The following PTGFRN variants were observed in gnomAD, a reference collection of about 807,000 sequenced individuals.
The protein encoded by PTGFRN is prostaglandin F2 receptor negative regulator.
Under a neutral mutation model 83.2 loss-of-function variants are expected in PTGFRN, and 35 were observed. That is an observed-to-expected ratio of 0.42 (90% confidence interval 0.32 to 0.56). The LOEUF (loss-of-function observed/expected upper bound fraction) is 0.56. Ranked by LOEUF, PTGFRN falls within the 20% of genes least tolerant of loss-of-function variation. The pLI is 0.11. For missense variants in PTGFRN, 1,051 were observed against 1,179.5 expected, an observed-to-expected ratio of 0.89 and a Z score of 1.60; for synonymous variants, 519 against 498.6, an observed-to-expected ratio of 1.04 and a Z score of -0.55.
chr1:116,953,752 C>T (rs962684303), intron 4 of PTGFRN, among the ~76,000 whole-genome samples: 11 of 151,972 alleles, frequency 7.2e-5, no homozygotes, highest in African/African-American at 2.4e-4. Context: ...GTTGAGCTGA[C>T]CACACCCAGC....
Position 116,986,938 on chromosome 1 carries a change from C to T in PTGFRN, c.2611C>T (p.Arg871Cys), listed in dbSNP as rs144307532. The T allele has an allele frequency of 5.7e-5, 92 of 1,614,070 alleles. No homozygotes were observed. The highest frequency in any genetic ancestry group is 7.5e-5 in the Non-Finnish European group (89 of 1,180,038). Residue 871 changes from arginine to cysteine, a missense_variant, in exon 9 of 9, where the codon CGC becomes TGC. By Grantham distance (180) the Arg-to-Cys change is radical (BLOSUM62 -3). This residue lies in a region of PTGFRN where 719 missense variants were observed against 836.6 expected (regional missense o/e 0.86). Coordinates refer to ENST00000393203, the MANE Select transcript of PTGFRN (RefSeq NM_020440.4). ...GGTTCAGGAGACACGGCGCGAGCGC[C>T]GCAGGCTCATGTCGATGGAGATGGA... ...KEVQETRRER[R>C]RLMSMEMD
At chr1:116,967,724 T>C (rs1428071405) in intron 6 of PTGFRN, among the ~76,000 whole-genome samples, 3 of 152,210 alleles carry the variant, frequency 2.0e-5, no homozygotes, top group African/African-American at 7.2e-5. Flanking sequence ...GCAAAATGTT[T>C]TCAAGGGTCA....
rs773427645 is a variant in PTGFRN, at chr1:116,958,821, C to G, written c.1214-2422C>G. Among the ~76,000 whole-genome samples the G allele has an allele frequency of 5.3e-5, 8 of 152,180 alleles. No individual in the cohort carries two copies. The highest frequency in any genetic ancestry group is 7.3e-5 in the Non-Finnish European group (5 of 68,038). ...CTCACCACTGTTCTCTGCTGCCTCA[C>G]AGTTTGCTGTTCAGGGTTATGGTTC... On this transcript the variant is annotated intron_variant, in intron 4 of 8. Coordinates refer to ENST00000393203, the MANE Select transcript of PTGFRN (RefSeq NM_020440.4). The surrounding 1 kb of genome is among the most constrained non-coding windows in gnomAD (Gnocchi z 4.9).
At chr1:116,947,085 C>T (rs1030272722) in intron 3 of PTGFRN, among the ~76,000 whole-genome samples, 2 of 152,212 alleles carry the variant, frequency 1.3e-5, no homozygotes, top group Non-Finnish European at 2.9e-5. Context: ...TCCAAGTTCA[C>T]AGACTCTAAA....
At position 116,967,069 on chromosome 1, in the gene PTGFRN, A is replaced by C. The variant is rs1216496473; in HGVS notation, c.1798A>C (p.Asn600His). 1 of 1,614,028 alleles carries C rather than the reference A, an allele frequency of 6.2e-7. No individual in the cohort carries two copies. The highest frequency in any genetic ancestry group is 1.3e-5 in the African/African-American group (1 of 74,924). The change falls in exon 6 of 9, where the codon AAT becomes CAT. Residue 600 changes from asparagine to histidine, a missense_variant. Physicochemically the swap from Asn to His is moderately conservative, Grantham distance 68. This residue lies in a region of PTGFRN where 719 missense variants were observed against 836.6 expected (regional missense o/e 0.86). Coordinates refer to ENST00000393203, the MANE Select transcript of PTGFRN (RefSeq NM_020440.4). ...GCCTGTCGGCGACCTCTCCAGTCCC[A>C]ATGAAACGAAGTACATCATCTCTCT... is the stretch of plus-strand genomic sequence containing the variant. ...EKPVGDLSSPNETKYIISLDQ... is the reference protein window; with the variant it reads ...EKPVGDLSSPHETKYIISLDQ...
chr1:116,925,788 C>T (rs1192207925), intron 1 of PTGFRN, among the ~76,000 whole-genome samples: 2 of 152,174 alleles, frequency 1.3e-5, no homozygotes, highest in Admixed American at 1.3e-4. Flanking sequence ...GACTCTGACG[C>T]TTGGCCAGGT....
rs2101095448 is a variant in PTGFRN, at chr1:116,987,509, G to A, written c.*542G>A. On this transcript the variant is annotated 3_prime_UTR_variant, in exon 9 of 9. Transcript: ENST00000393203. ...GACCCTACCCCACCCCCTGTTTTCA[G>A]GGGTTTAGACTACATTTGAAATCCA... is the stretch of plus-strand genomic sequence containing the variant. 6.5e-6 allele frequency: 1 copy of A among 153,446 alleles called. No homozygotes were observed. The allele number at this position is 153,446 out of a possible 1,614,324, so 9.5% of individuals were successfully genotyped here.
Position 116,945,013 on chromosome 1 carries a change from G to A in PTGFRN, c.753G>A (p.Glu251=). The A allele has an allele frequency of 6.2e-7, 1 of 1,613,886 alleles. No homozygotes were observed. The highest frequency in any genetic ancestry group is 2.2e-5 in the East Asian group (1 of 44,882). ...GCTCCTACAGGTGTATCGTCAGCGA[G>A]TGGATCGCCGAGCAGGGCAACTGGC... is the stretch of plus-strand genomic sequence containing the variant. ...DQGSYRCIVS[E]WIAEQGNWQE... Residue 251 remains glutamate, a synonymous_variant, in exon 3 of 9, where the codon GAG becomes GAA. Coordinates refer to ENST00000393203, the MANE Select transcript of PTGFRN (RefSeq NM_020440.4).
At chr1:116,911,928 T>C (rs1649282330) in intron 1 of PTGFRN, among the ~76,000 whole-genome samples, 1 of 152,252 alleles carries the variant, frequency 6.6e-6, no homozygotes, top group African/African-American at 2.4e-5. Flanking sequence ...AGCAGGGCCA[T>C]GGCCTAGGTT....
intron 1 of PTGFRN, 80 bp downstream of exon 1, chr1:116,910,332 G>C: frequency 1.7e-6 from 2 of 1,188,588 alleles, no homozygotes; most frequent in Non-Finnish European, 2.1e-6. Context: ...GCTGCAGCGC[G>C]CGGCCTGGGG....
Position 116,910,194 on chromosome 1 carries a change from C to A in PTGFRN, c.-10C>A. 6.7e-7 allele frequency: 1 copy of A among 1,487,930 alleles called. No individual in the cohort carries two copies. Among genetic ancestry groups the A allele is most frequent in the South Asian group, 1.3e-5 (1 of 77,678 alleles). The allele number at this position is 1,487,930 out of a possible 1,614,324, so 92.2% of individuals were successfully genotyped here. ...AGGAGGAGGGGGAGAGTCGCTCCCG[C>A]CGGGCGAGCATGGGGCGCCTGGCCT... On this transcript the variant is annotated 5_prime_UTR_variant, in exon 1 of 9. Coordinates refer to ENST00000393203, the MANE Select transcript of PTGFRN (RefSeq NM_020440.4).
At chr1:116,977,802 A>C (rs548248463) in intron 7 of PTGFRN, among the ~76,000 whole-genome samples, 1 of 152,354 alleles carries the variant, frequency 6.6e-6, no homozygotes, top group African/African-American at 2.4e-5. Flanking sequence ...TAACATCACA[A>C]TTAAAAGAAC....
At chr1:116,916,849 C>G (rs1448481355) in intron 1 of PTGFRN, among the ~76,000 whole-genome samples, 2 of 152,152 alleles carry the variant, frequency 1.3e-5, no homozygotes, top group Non-Finnish European at 2.9e-5. Context: ...GCTGTATGAG[C>G]AGAGCAGACT....
chr1:116,971,625 C>T (rs911714248), intron 6 of PTGFRN, among the ~76,000 whole-genome samples: 4 of 152,150 alleles, frequency 2.6e-5, no homozygotes, highest in Admixed American at 6.5e-5. Context: ...CTGCTGATTT[C>T]ATTAGGAGGA....
intron 4 of PTGFRN, among the ~76,000 whole-genome samples, chr1:116,955,356 T>C (rs1172126317): frequency 1.3e-5 from 2 of 152,180 alleles, no homozygotes; most frequent in Non-Finnish European, 2.9e-5. Flanking sequence ...CTTTTAAAAA[T>C]AGAAATTTAC....
At chr1:116,964,728 C>T (rs975110375) in intron 5 of PTGFRN, among the ~76,000 whole-genome samples, 2 of 152,224 alleles carry the variant, frequency 1.3e-5, no homozygotes, top group African/African-American at 4.8e-5. Context: ...TTCAAAAGGA[C>T]GCTTCCCATC....
Position 116,990,122 on chromosome 1 carries a change from A to G in PTGFRN, c.*3155A>G, listed in dbSNP as rs1294178889. 2 of 152,660 alleles carry G rather than the reference A, an allele frequency of 1.3e-5. No homozygotes were observed. The highest frequency in any genetic ancestry group is 2.1e-4 in the South Asian group (1 of 4,834). 9.5% of individuals were successfully genotyped at this position (152,660 alleles called of 1,614,324 possible). ...TAAGTTCTCCTCCACTGTTTGACCA[A>G]ATTCTCAGTGATAAATATGTGTGCA... is the stretch of plus-strand genomic sequence containing the variant. On this transcript the variant is annotated 3_prime_UTR_variant, in exon 9 of 9. Coordinates refer to ENST00000393203, the MANE Select transcript of PTGFRN (RefSeq NM_020440.4).
chr1:116,981,481 GC>G (rs1362049131), intron 7 of PTGFRN, among the ~76,000 whole-genome samples: 1 of 152,232 alleles, frequency 6.6e-6, no homozygotes, highest in East Asian at 1.9e-4. Context: ...GTATGAAGGG[GC>G]AAGCTCTAAG....
At chr1:116,917,297 C>T (rs1323994323) in intron 1 of PTGFRN, among the ~76,000 whole-genome samples, 1 of 145,280 alleles carries the variant, frequency 6.9e-6, no homozygotes, top group Non-Finnish European at 1.5e-5. Context: ...ACGGCAGAAC[C>T]AGATCAACTT....
Sources: allele counts gnomAD v4.1 joint callset (sites outside exome capture counted in the v4.1 genomes callset), GRCh38; gene constraint gnomAD v4.1.1; regional missense constraint gnomAD v4.1.1; non-coding constraint Gnocchi (gnomAD v3.1); transcripts MANE v1.5; gene names NCBI Gene and HGNC (gene_info 2026-07-23, HGNC 2026-07-21).